The following MXRA7 variants were observed in gnomAD, a reference collection of about 807,000 sequenced individuals.
MXRA7 encodes the protein matrix remodeling associated 7, also known as matrix-remodeling-associated protein 7.
A neutral mutation model predicts 17.4 loss-of-function variants in MXRA7; 18 were observed. The ratio of observed to expected loss-of-function variants is 1.03; its 90% CI spans 0.71 to 1.53. The LOEUF is 1.53. Ranked by LOEUF, MXRA7 falls within the 40% of genes most tolerant of loss-of-function variation. The pLI is 0.00. For missense variants in MXRA7, 141 were observed against 209.3 expected, an observed-to-expected ratio of 0.67 and a Z score of 2.01; for synonymous variants, 70 against 101.7, an observed-to-expected ratio of 0.69 and a Z score of 1.87.
At chr17:76,688,903 T>A in intron 1 of MXRA7, 1 of 307,164 alleles carries the variant, frequency 3.3e-6, no homozygotes, top group Non-Finnish European at 5.9e-6. Flanking sequence ...AATGAATGAA[T>A]GAGCAGCCCC....
chr17:76,699,554 T>C (rs2076570271), intron 1 of MXRA7, among the ~76,000 whole-genome samples: 1 of 151,474 alleles, frequency 6.6e-6, no homozygotes, highest in African/African-American at 2.4e-5. Flanking sequence ...TTCAATAATC[T>C]CTGTTTCTCC....
chr17:76,680,397 G>A lies in MXRA7; in HGVS notation c.*470C>T, dbSNP rs1379684271. On this transcript the variant is annotated 3_prime_UTR_variant, in exon 4 of 4. Transcript: ENST00000449428. Reference sequence around the variant, plus strand: ...AAGGGGTCGGCTGACCACCCTGACGGAGCTGGTGAGCACAGGTGAGCTCTA... The same window carrying A: ...AAGGGGTCGGCTGACCACCCTGACGAAGCTGGTGAGCACAGGTGAGCTCTA... 1 of 985,864 alleles carries A rather than the reference G, an allele frequency of 1.0e-6. No individual in the cohort carries two copies. The allele number at this position is 985,864 out of a possible 1,614,324, so 61.1% of individuals were successfully genotyped here.
At chr17:76,677,957 A>G (rs1462848584), downstream of MXRA7, among the ~76,000 whole-genome samples, 1 of 152,210 alleles carries the variant, frequency 6.6e-6, no homozygotes, top group East Asian at 1.9e-4. Flanking sequence ...TGGGGACCCC[A>G]GGTATCACTT....
At chr17:76,678,728 G>A (rs1407766558), downstream of MXRA7, among the ~76,000 whole-genome samples, 1 of 152,126 alleles carries the variant, frequency 6.6e-6, no homozygotes, top group Non-Finnish European at 1.5e-5. Flanking sequence ...GCATAGCCCT[G>A]GGCCACTGGC....
intron 1 of MXRA7, among the ~76,000 whole-genome samples, chr17:76,693,251 C>T (rs1200909784): frequency 2.0e-5 from 3 of 151,758 alleles, no homozygotes; most frequent in Admixed American, 6.6e-5. Context: ...GGATGGATCA[C>T]GAGGTCATTA....
At chr17:76,682,668 G>T (rs1734530257) in intron 3 of MXRA7, among the ~76,000 whole-genome samples, 1 of 152,088 alleles carries the variant, frequency 6.6e-6, no homozygotes, top group Non-Finnish European at 1.5e-5. Context: ...CATGCAGGGG[G>T]GCAGAGGTGT....
At position 76,696,575 on chromosome 17, in the gene MXRA7, G is replaced by A. The variant is rs114419944; in HGVS notation, c.343-8399C>T. 2.6e-3 allele frequency among the ~76,000 whole-genome samples: 396 copies of A among 151,704 alleles called. 2 individuals are homozygous for A. The highest frequency in any genetic ancestry group is 9.3e-3 in the African/African-American group (383 of 41,374). ...AGGTGTCAATACAAATTTTTTAAAC[G>A]AAAAAAATAAACACGGACAAACAGA... On this transcript the variant is annotated intron_variant, in intron 1 of 3. Transcript: ENST00000449428.
chr17:76,688,310 C>A, intron 1 of MXRA7, 134 bp from the exon 2 acceptor site: 1 of 1,482,506 alleles, frequency 6.7e-7, no homozygotes, highest in Non-Finnish European at 8.9e-7. Context: ...AGCGCCTGCC[C>A]TGTGGTCATG....
chr17:76,678,989 G>T (rs1598330928), downstream of MXRA7, among the ~76,000 whole-genome samples: 3 of 152,142 alleles, frequency 2.0e-5, no homozygotes, highest in African/African-American at 7.2e-5. Flanking sequence ...TGTGTGCTTT[G>T]TGCCCTCCTG....
intron 1 of MXRA7, among the ~76,000 whole-genome samples, chr17:76,695,353 G>GGTGTGTGTGTGTGTGTGTGT (rs71158054): frequency 4.8e-4 from 71 of 148,096 alleles, no homozygotes; most frequent in African/African-American, 1.7e-3. Flanking sequence ...TTTAGCTTCA[G>GGTGTGTGTGTGTGTGTGTGT]GTGTGTGTGT....
At chr17:76,688,011 C>T in intron 2 of MXRA7, 102 bp downstream of exon 2, 1 of 923,836 alleles carries the variant, frequency 1.1e-6, no homozygotes, top group Non-Finnish European at 1.7e-6. Context: ...CCACCCCATC[C>T]CTCCCCTCGG....
At chr17:76,688,448 C>G (rs1034617987) in intron 1 of MXRA7, 19 of 1,355,320 alleles carry the variant, frequency 1.4e-5, no homozygotes, top group Middle Eastern at 1.9e-4. Context: ...CAGGTGGGTG[C>G]CTGTTGAGGC....
intron 2 of MXRA7, among the ~76,000 whole-genome samples, chr17:76,686,683 G>A (rs1208560464): frequency 2.6e-5 from 4 of 152,194 alleles, no homozygotes; most frequent in Non-Finnish European, 5.9e-5. Flanking sequence ...GACAGCCTCC[G>A]AGGGACGGGG....
At chr17:76,687,417 A>G (rs1021903547) in intron 2 of MXRA7, among the ~76,000 whole-genome samples, 30 of 152,378 alleles carry the variant, frequency 2.0e-4, no homozygotes, top group African/African-American at 6.5e-4. Flanking sequence ...GAAATATTTC[A>G]AACATACAAA....
chr17:76,688,185 C>A lies in MXRA7; in HGVS notation c.343-9G>T, dbSNP rs868362465. 1 of 1,614,132 alleles carries A rather than the reference C, an allele frequency of 6.2e-7. No individual in the cohort carries two copies. The highest frequency in any genetic ancestry group is 8.5e-7 in the Non-Finnish European group (1 of 1,179,998). ...AAGTCCTGCTCCTCTTCCTGCAAGA[C>A]AAGGACAGGGTCAGTGCCCTTGGCA... On this transcript the variant is annotated splice_polypyrimidine_tract_variant and intron_variant, in intron 1 of 3. Transcript: ENST00000449428.
intron 1 of MXRA7, among the ~76,000 whole-genome samples, chr17:76,693,240 C>T (rs904483405): frequency 1.3e-5 from 2 of 151,808 alleles, no homozygotes; most frequent in African/African-American, 4.8e-5. Context: ...GAGGCCGAGG[C>T]GGATGGATCA....
intron 1 of MXRA7, chr17:76,688,528 G>A (rs1351871959): frequency 1.6e-6 from 2 of 1,285,112 alleles, no homozygotes; most frequent in South Asian, 3.0e-5. Flanking sequence ...GACAAAGGGT[G>A]CAAGAGGAAA....
intron 1 of MXRA7, among the ~76,000 whole-genome samples, chr17:76,693,121 G>A (rs1445364749): frequency 6.6e-6 from 1 of 152,206 alleles, no homozygotes; most frequent in Non-Finnish European, 1.5e-5. Flanking sequence ...AACATCTGAA[G>A]TTATTTATTA....
chr17:76,687,179 G>A (rs2076408613), intron 2 of MXRA7, among the ~76,000 whole-genome samples: 1 of 152,194 alleles, frequency 6.6e-6, no homozygotes, highest in South Asian at 2.1e-4. Context: ...CCTGGTAAGG[G>A]ACTAATGTCC....
Sources: allele counts gnomAD v4.1 joint callset (sites outside exome capture counted in the v4.1 genomes callset), GRCh38; gene constraint gnomAD v4.1.1; transcripts MANE v1.5; gene names NCBI Gene and HGNC (gene_info 2026-07-23, HGNC 2026-07-21).